Variants in KCNJ3 observed in about 807,000 individuals in gnomAD.
The protein encoded by KCNJ3 is G protein-activated inward rectifier potassium channel 1.
KCNJ3 carries 4 observed loss-of-function variants against 39.2 expected under a neutral mutation model. The ratio of observed to expected loss-of-function variants is 0.10; its 90% CI spans 0.05 to 0.23. KCNJ3 has a LOEUF of 0.23. Ranked by LOEUF, KCNJ3 falls within the 10% of genes least tolerant of loss-of-function variation. The pLI is 1.00. For missense variants in KCNJ3, 276 were observed against 634.9 expected, an observed-to-expected ratio of 0.43 and a Z score of 6.08; for synonymous variants, 230 against 237.4, an observed-to-expected ratio of 0.97 and a Z score of 0.29.
At chr2:154,843,803 C>G (rs1374207413) in intron 2 of KCNJ3, among the ~76,000 whole-genome samples, 1 of 152,152 alleles carries the variant, frequency 6.6e-6, no homozygotes, top group African/African-American at 2.4e-5. Flanking sequence ...CTTTTAAGGT[C>G]TTCTCCACAC....
At chr2:154,717,009 T>G (rs1048064801) in intron 2 of KCNJ3, among the ~76,000 whole-genome samples, 5 of 152,172 alleles carry the variant, frequency 3.3e-5, no homozygotes, top group African/African-American at 1.2e-4. Context: ...TGTACTCAAA[T>G]GAATGTTAAG....
At chr2:154,834,143 T>C (rs1263559880) in intron 2 of KCNJ3, among the ~76,000 whole-genome samples, 9 of 152,194 alleles carry the variant, frequency 5.9e-5, no homozygotes. Flanking sequence ...ACTGTGCCAT[T>C]TTGCATTCCC....
At chr2:154,735,834 A>G (rs965806471) in intron 2 of KCNJ3, among the ~76,000 whole-genome samples, 11 of 152,282 alleles carry the variant, frequency 7.2e-5, no homozygotes, top group East Asian at 5.8e-4. Context: ...CTCCTGCCCT[A>G]TAGTTTTCAA....
chr2:154,770,566 T>A (rs1686221793), intron 2 of KCNJ3, among the ~76,000 whole-genome samples: 1 of 152,188 alleles, frequency 6.6e-6, no homozygotes, highest in Admixed American at 6.5e-5. Flanking sequence ...TTCAAATGAG[T>A]TGTCCTCAGT....
Position 154,857,203 on chromosome 2 carries a change from T to G in KCNJ3, c.*1890T>G, listed in dbSNP as rs1687853414. ...TAACCTAGCTTTCTTAGTTTGTAGATGTAGGAAACAAAATAGTGACAGAGA... is the reference window on the plus strand; with the variant it reads ...TAACCTAGCTTTCTTAGTTTGTAGAGGTAGGAAACAAAATAGTGACAGAGA... On this transcript the variant is annotated 3_prime_UTR_variant, in exon 3 of 3. Coordinates refer to ENST00000295101, the MANE Select transcript of KCNJ3 (RefSeq NM_002239.4). 2 of 152,062 alleles carry G rather than the reference T, an allele frequency of 1.3e-5. No individual in the cohort carries two copies. The highest frequency in any genetic ancestry group is 2.9e-5 in the Non-Finnish European group (2 of 68,014). The allele number at this position is 152,062 out of a possible 1,614,324, so 9.4% of individuals were successfully genotyped here.
intron 2 of KCNJ3, among the ~76,000 whole-genome samples, chr2:154,760,939 G>A (rs12470686): frequency 0.33 from 49,145 of 150,176 alleles, 9,336 homozygotes; most frequent in Non-Finnish European, 0.43. Flanking sequence ...GGGTTTCAGC[G>A]TGTTAGCCAG....
chr2:154,848,817 G>C (rs2121081), intron 2 of KCNJ3, among the ~76,000 whole-genome samples: 81,082 of 151,954 alleles, frequency 0.53, 22,522 homozygotes, highest in Non-Finnish European at 0.6. Context: ...AGTACTTACT[G>C]CAGGGAGTTG....
intron 2 of KCNJ3, among the ~76,000 whole-genome samples, chr2:154,789,770 G>T (rs1426884989): frequency 1.3e-5 from 2 of 151,952 alleles, no homozygotes; most frequent in Non-Finnish European, 2.9e-5. Context: ...TTTTGTTATT[G>T]AAATACTTGC....
intron 2 of KCNJ3, among the ~76,000 whole-genome samples, chr2:154,784,357 G>A (rs1288067210): frequency 6.6e-6 from 1 of 152,166 alleles, no homozygotes; most frequent in East Asian, 1.9e-4. Context: ...GAGTGATTGA[G>A]ATAGAATGAA....
intron 2 of KCNJ3, among the ~76,000 whole-genome samples, chr2:154,802,241 C>G (rs541421345): frequency 2.6e-5 from 4 of 151,470 alleles, no homozygotes; most frequent in Non-Finnish European, 5.9e-5. Flanking sequence ...CTGTAGCTTG[C>G]TTGTCACCCA....
intron 2 of KCNJ3, among the ~76,000 whole-genome samples, chr2:154,726,760 A>G (rs987128977): frequency 2.5e-5 from 3 of 119,320 alleles, no homozygotes; most frequent in African/African-American, 9.0e-5. Flanking sequence ...GTGTATATAT[A>G]TATACACACA....
chr2:154,739,930 A>G (rs1011174670), intron 2 of KCNJ3, among the ~76,000 whole-genome samples: 2 of 152,014 alleles, frequency 1.3e-5, no homozygotes, highest in African/African-American at 4.8e-5. Context: ...TCCTGTGGGG[A>G]CATATATGAG....
At chr2:154,806,957 C>T (rs1686922840) in intron 2 of KCNJ3, among the ~76,000 whole-genome samples, 1 of 152,134 alleles carries the variant, frequency 6.6e-6, no homozygotes, top group Non-Finnish European at 1.5e-5. Context: ...ATGCATAGGA[C>T]AATACTGTTC....
intron 2 of KCNJ3, among the ~76,000 whole-genome samples, chr2:154,718,369 A>G (rs1045847761): frequency 3.3e-5 from 5 of 152,246 alleles, no homozygotes; most frequent in Admixed American, 1.3e-4. Context: ...TAATTGTAGA[A>G]ATTTTCTGCA....
intron 2 of KCNJ3, among the ~76,000 whole-genome samples, chr2:154,775,409 C>G (rs866260230): frequency 2.4e-4 from 36 of 152,068 alleles, no homozygotes; most frequent in African/African-American, 8.7e-4. Flanking sequence ...TTTGCTAAAC[C>G]ACTCATCTAT....
At chr2:154,782,017 T>C (rs927342721) in intron 2 of KCNJ3, among the ~76,000 whole-genome samples, 1 of 152,202 alleles carries the variant, frequency 6.6e-6, no homozygotes, top group African/African-American at 2.4e-5. Flanking sequence ...AAATCTGTTT[T>C]TGTGATGATT....
At chr2:154,729,906 T>C (rs1434773262) in intron 2 of KCNJ3, among the ~76,000 whole-genome samples, 1 of 152,126 alleles carries the variant, frequency 6.6e-6, no homozygotes, top group Non-Finnish European at 1.5e-5. Flanking sequence ...TTATTTTTCA[T>C]CTGTAAGGAG....
At chr2:154,771,785 A>G (rs545986440) in intron 2 of KCNJ3, among the ~76,000 whole-genome samples, 10 of 152,336 alleles carry the variant, frequency 6.6e-5, no homozygotes, top group African/African-American at 2.2e-4. Flanking sequence ...GAGAGATGGC[A>G]GGACAATACC....
chr2:154,776,159 G>A (rs757626250), intron 2 of KCNJ3, among the ~76,000 whole-genome samples: 3 of 151,856 alleles, frequency 2.0e-5, no homozygotes, highest in African/African-American at 7.3e-5. Context: ...ACACCCCCAC[G>A]CCAGGCTAAT....
Sources: allele counts gnomAD v4.1 joint callset (sites outside exome capture counted in the v4.1 genomes callset), GRCh38; gene constraint gnomAD v4.1.1; transcripts MANE v1.5; gene names NCBI Gene and HGNC (gene_info 2026-07-23, HGNC 2026-07-21).